TSPAN4: variants seen among roughly 807,000 people sequenced by gnomAD.
TSPAN4 encodes tetraspanin 4.
Under a neutral mutation model 31.5 loss-of-function variants are expected in TSPAN4, and 38 were observed. That is an observed-to-expected ratio of 1.21 (90% CI 0.93 to 1.58). TSPAN4 has a LOEUF of 1.58. TSPAN4 is among the 40% of genes most tolerant of loss of function. The pLI, the probability that TSPAN4 is intolerant of heterozygous loss-of-function variation, is 0.00. For synonymous variants in TSPAN4, 186 were observed against 144.6 expected (o/e 1.29, Z -2.06); for missense variants, 330 against 317.3 (o/e 1.04, Z -0.30).
chr11:852,447 C>G (rs371730608), intron 3 of TSPAN4, among the ~76,000 whole-genome samples: 4 of 152,354 alleles, frequency 2.6e-5, no homozygotes, highest in African/African-American at 9.6e-5. Flanking sequence ...TCCCGCCAGT[C>G]CAGCAAACTG....
At chr11:860,970 C>T (rs1228179393) in intron 3 of TSPAN4, among the ~76,000 whole-genome samples, 6 of 152,162 alleles carry the variant, frequency 3.9e-5, no homozygotes, top group Non-Finnish European at 4.4e-5. Flanking sequence ...GGGAGCTGGT[C>T]AGCATTTTCG....
intron 4 of TSPAN4, 92 bp downstream of exon 4, chr11:862,833 C>A: frequency 2.3e-6 from 3 of 1,330,106 alleles, no homozygotes; most frequent in Non-Finnish European, 3.0e-6. Context: ...AGTGACCCCC[C>A]AGACGTGGGC....
chr11:846,249 C>CCAGGCTGCTGCAGA (rs1280642717), intron 1 of TSPAN4, among the ~76,000 whole-genome samples: 1 of 152,092 alleles, frequency 6.6e-6, no homozygotes, highest in Non-Finnish European at 1.5e-5. Flanking sequence ...GGCATGGCAC[C>CCAGGCTGCTGCAGA]CAGGCTGCTG....
intron 4 of TSPAN4, chr11:862,977 T>G: frequency 1.9e-6 from 1 of 517,094 alleles, no homozygotes. Flanking sequence ...GAACGTGCTG[T>G]ACCTTGTCAG....
chr11:845,058 G>A (rs1412519353), intron 1 of TSPAN4, among the ~76,000 whole-genome samples: 1 of 152,162 alleles, frequency 6.6e-6, no homozygotes, highest in African/African-American at 2.4e-5. Context: ...AGCTCAGGTG[G>A]GATCAGAAAC....
In TSPAN4 at chr11:848,789, C is replaced by T; in HGVS notation, c.-18+1489C>T. ...CCCAACACCGCAGGGCCCTTGTGCC[C>T]TGTGGTGGGGCTGGGGCTTCAGAGG... is the stretch of plus-strand genomic sequence containing the variant. On this transcript the variant is annotated intron_variant, in intron 2 of 8. Transcript: ENST00000397397. This position sits in a 1 kb window ranked among gnomAD's most constrained non-coding sequence, Gnocchi z 5.7. The T allele has an allele frequency of 1.7e-6, 1 of 573,438 alleles. No homozygotes were observed. Among genetic ancestry groups the T allele is most frequent in the South Asian group, 2.1e-5 (1 of 46,958 alleles). The allele number at this position is 573,438 out of a possible 1,614,324, so 35.5% of individuals were successfully genotyped here. A position where few individuals can be genotyped will look rare whatever the true frequency, so the allele number is the denominator to read the frequency against.
At chr11:845,109 G>A (rs1279610522) in intron 1 of TSPAN4, among the ~76,000 whole-genome samples, 1 of 152,194 alleles carries the variant, frequency 6.6e-6, no homozygotes, top group African/African-American at 2.4e-5. Context: ...CGCTGAGGCT[G>A]GGCATGACCT....
intron 3 of TSPAN4, among the ~76,000 whole-genome samples, chr11:851,255 G>A (rs1223515056): frequency 1.3e-5 from 2 of 152,180 alleles, no homozygotes; most frequent in African/African-American, 4.8e-5. Context: ...GACCTGGACC[G>A]GGCCTGGGGC....
chr11:861,923 C>T (rs964398334), intron 3 of TSPAN4, among the ~76,000 whole-genome samples: 1 of 151,768 alleles, frequency 6.6e-6, no homozygotes, highest in African/African-American at 2.4e-5. Context: ...ACTCCATCTC[C>T]AAAAAAAGAA....
chr11:851,825 A>C (rs1847761944), intron 3 of TSPAN4, among the ~76,000 whole-genome samples: 1 of 151,870 alleles, frequency 6.6e-6, no homozygotes, highest in Non-Finnish European at 1.5e-5. Flanking sequence ...CCCGGCAGGC[A>C]GGCAGGCAGG....
At chr11:849,830 CG>C (rs945225748) in intron 2 of TSPAN4, 22 of 145,854 alleles carry the variant, frequency 1.5e-4, no homozygotes, top group Admixed American at 6.8e-4. Flanking sequence ...GTCGGGGGCG[CG>C]GGGGCCGCAG....
rs117972983 is a variant in TSPAN4 at position 862,503 on chromosome 11, C to T, written c.64-47C>T. The T allele has an allele frequency of 4.3e-3, 6,459 of 1,518,952 alleles. 13 individuals are homozygous for T. Among genetic ancestry groups the T allele is most frequent in the Non-Finnish European group, 5.3e-3 (5,914 of 1,125,786 alleles). 94.1% of individuals were successfully genotyped at this position (1,518,952 alleles called of 1,614,324 possible). A position where few individuals can be genotyped will look rare whatever the true frequency, so the allele number is the denominator to read the frequency against. On this transcript the variant is annotated intron_variant, in intron 3 of 8. Transcript: ENST00000397397. ...GCTCTGCCCTGGGGTCCAGAGCTTG[C>T]ATTGGGGCCTCACCCTGTCTGTGTC...
At chr11:859,915 C>T (rs36002505) in intron 3 of TSPAN4, 79,436 of 152,096 alleles carry the variant, frequency 0.52, 21,108 homozygotes, top group South Asian at 0.77. Flanking sequence ...GCCCCTGCCT[C>T]GGTACTCCCA....
chr11:861,495 G>A (rs1409346693), intron 3 of TSPAN4, among the ~76,000 whole-genome samples: 3 of 152,112 alleles, frequency 2.0e-5, no homozygotes, highest in South Asian at 2.1e-4. Context: ...GGTGGATCAC[G>A]AGGTTGGGAG....
chr11:856,208 C>A (rs897520368), intron 3 of TSPAN4, among the ~76,000 whole-genome samples: 1 of 152,168 alleles, frequency 6.6e-6, no homozygotes, highest in African/African-American at 2.4e-5. Context: ...TGCTGAGGGA[C>A]GGCCCTCCAA....
At chr11:846,761 G>A (rs1348263260) in intron 1 of TSPAN4, among the ~76,000 whole-genome samples, 2 of 152,128 alleles carry the variant, frequency 1.3e-5, no homozygotes, top group Non-Finnish European at 1.5e-5. Flanking sequence ...CTTGTGCCTG[G>A]TAGGAAGCAG....
chr11:850,390 G>C lies in TSPAN4; in HGVS notation c.63+23G>C, dbSNP rs996049085. Reference sequence around the variant, plus strand: ...TGGGTGAGTCCGGGGGCCGGGGTGGGGGCCCGGGAAAGACCCGGGGTCCCT... The same window carrying C: ...TGGGTGAGTCCGGGGGCCGGGGTGGCGGCCCGGGAAAGACCCGGGGTCCCT... On this transcript the variant is annotated intron_variant, in intron 3 of 8. Transcript: ENST00000397397. The C allele has an allele frequency of 1.9e-6, 3 of 1,592,920 alleles. No individual in the cohort carries two copies. In the African/African-American group the frequency reaches 4.0e-5, roughly 21 times the overall value.
chr11:850,468 G>A (rs1302771478), intron 3 of TSPAN4, 101 bp downstream of exon 3: 10 of 993,042 alleles, frequency 1.0e-5, no homozygotes, highest in Non-Finnish European at 1.5e-6. Flanking sequence ...CCGGCCAGGC[G>A]TTGGGTGCGG....
rs1847600112 is a variant in TSPAN4 at position 850,315 on chromosome 11, C to T, written c.11C>T (p.Ala4Val). 1.2e-6 allele frequency: 2 copies of T among 1,608,212 alleles called. No homozygotes were observed. Among genetic ancestry groups the T allele is most frequent in the African/African-American group, 1.3e-5 (1 of 75,004 alleles). The change falls in exon 3 of 9, where the codon GCC (alanine) becomes GTC (valine). Residue 4 changes from alanine to valine, a missense_variant. Coordinates refer to ENST00000397397, the MANE Select transcript of TSPAN4 (RefSeq NM_003271.5). MARACLQAVKYLMF... is the reference protein window; with the variant it reads MARVCLQAVKYLMF... ...CTGAAGCGCTGCGGCATGGCGCGCG[C>T]CTGCCTCCAGGCCGTCAAGTACCTC...
Sources: gnomAD v4.1 joint callset for allele counts (sites outside exome capture counted in the v4.1 genomes callset) on GRCh38, gnomAD v4.1.1 for gene constraint, Gnocchi (gnomAD v3.1) non-coding constraint, MANE v1.5 for transcripts, NCBI Gene and HGNC (gene_info 2026-07-23, HGNC 2026-07-21) for gene names.